The following CNOT2 variants were observed in gnomAD, a reference collection of about 807,000 sequenced individuals.
CNOT2 encodes CCR4-NOT transcription complex subunit 2, also known as CC chemokine receptor 4-negative regulator of transcription 2.
In CNOT2, 7 loss-of-function variants were observed where a neutral mutation model predicts 72.1. The observed-to-expected ratio is 0.10, with a 90% CI of 0.06 to 0.18. The LOEUF (loss-of-function observed/expected upper bound fraction) is 0.18. CNOT2 is among the 10% of genes least tolerant of loss of function. CNOT2 has a pLI of 1.00. For missense variants in CNOT2, 345 were observed against 660.3 expected, an observed-to-expected ratio of 0.52 and a Z score of 5.23; for synonymous variants, 196 against 225.6, an observed-to-expected ratio of 0.87 and a Z score of 1.17.
At position 70,299,386 on chromosome 12, in the gene CNOT2, C is replaced by A. The variant is rs372980524; in HGVS notation, c.49-11509C>A. ...TGTCCCTCCCCCCTCCCCCCACCCC[C>A]CAACAGTCCCCGGTGTGTGATGTTC... On this transcript the variant is annotated intron_variant, in intron 2 of 15. Transcript: ENST00000229195. Among the ~76,000 whole-genome samples the A allele has an allele frequency of 4.1e-3, 579 of 139,632 alleles. 12 individuals are homozygous for A. The highest frequency in any genetic ancestry group is 0.037 in the East Asian group (159 of 4,288). The allele number at this position is 139,632 out of a possible 152,430, so 91.6% of individuals were successfully genotyped here.
At chr12:70,324,078 A>G (rs1181817613) in intron 4 of CNOT2, 2 of 151,822 alleles carry the variant, frequency 1.3e-5, no homozygotes, top group African/African-American at 2.4e-5. Flanking sequence ...CCAGGATTAT[A>G]TTACTTTGTA....
chr12:70,281,007 C>CTT (rs1869722427), intron 2 of CNOT2, among the ~76,000 whole-genome samples: 1 of 150,532 alleles, frequency 6.6e-6, no homozygotes, highest in Admixed American at 6.6e-5. Flanking sequence ...TTTAGACTAA[C>CTT]TTACCCTAGC....
intron 1 of CNOT2, among the ~76,000 whole-genome samples, chr12:70,267,457 G>A (rs921425545): frequency 1.3e-5 from 2 of 152,126 alleles, no homozygotes; most frequent in East Asian, 1.9e-4. Flanking sequence ...TGGATTTAGG[G>A]CCTTCATAAA....
chr12:70,301,346 T>C (rs1393989794), intron 2 of CNOT2, among the ~76,000 whole-genome samples: 1 of 152,232 alleles, frequency 6.6e-6, no homozygotes, highest in Non-Finnish European at 1.5e-5. Flanking sequence ...ACTGTGATAC[T>C]GGCTGTGGGT....
intron 5 of CNOT2, 111 bp from the exon 6 acceptor site, chr12:70,330,176 G>A (rs1200682854): frequency 1.9e-6 from 1 of 533,672 alleles, no homozygotes; most frequent in Non-Finnish European, 3.3e-6. Flanking sequence ...AATTAGAACT[G>A]CAATTTGAAA....
intron 4 of CNOT2, among the ~76,000 whole-genome samples, chr12:70,328,892 G>A (rs1284259195): frequency 6.6e-6 from 1 of 151,704 alleles, no homozygotes; most frequent in Non-Finnish European, 1.5e-5. Flanking sequence ...TTTATGTTGG[G>A]TTTGTAAAAA....
At chr12:70,286,121 C>T (rs1000153966) in intron 2 of CNOT2, among the ~76,000 whole-genome samples, 2 of 116,752 alleles carry the variant, frequency 1.7e-5, no homozygotes, top group African/African-American at 5.7e-5. Flanking sequence ...TTTTCAAACA[C>T]TATGTGAAAA....
At chr12:70,278,985 T>G (rs770539067) in intron 2 of CNOT2, among the ~76,000 whole-genome samples, 1 of 152,238 alleles carries the variant, frequency 6.6e-6, no homozygotes, top group Non-Finnish European at 1.5e-5. Context: ...ATATCCTTTA[T>G]TCATTTGATA....
At chr12:70,267,025 C>CT (rs1421956438) in intron 1 of CNOT2, among the ~76,000 whole-genome samples, 2 of 151,936 alleles carry the variant, frequency 1.3e-5, no homozygotes, top group East Asian at 3.9e-4. Context: ...TATCTGACTA[C>CT]TTTTAATATT....
chr12:70,344,504 C>G (rs1881916365), intron 14 of CNOT2: 1 of 303,222 alleles, frequency 3.3e-6, no homozygotes, highest in Admixed American at 4.8e-5. Context: ...GGACAGATCA[C>G]TTGAGGCCAG....
chr12:70,246,499 T>G (rs1485457858), intron 1 of CNOT2, among the ~76,000 whole-genome samples: 2 of 152,178 alleles, frequency 1.3e-5, no homozygotes, highest in Non-Finnish European at 1.5e-5. Flanking sequence ...TGGAATTACA[T>G]ACAGTGTTAA....
At chr12:70,245,512 T>C (rs1957839140) in intron 1 of CNOT2, among the ~76,000 whole-genome samples, 3 of 152,190 alleles carry the variant, frequency 2.0e-5, no homozygotes, top group Admixed American at 1.3e-4. Context: ...AAGTATACAA[T>C]GTAGAGATAT....
chr12:70,247,257 C>T (rs988124281), intron 1 of CNOT2, among the ~76,000 whole-genome samples: 3 of 151,934 alleles, frequency 2.0e-5, no homozygotes, highest in Non-Finnish European at 4.4e-5. Flanking sequence ...CTCCGCCTCC[C>T]GGGTTCAAGC....
chr12:70,335,252 T>G (rs1880518897), intron 7 of CNOT2, 186 bp from the exon 8 acceptor site: 1 of 472,514 alleles, frequency 2.1e-6, no homozygotes, highest in South Asian at 3.3e-5. Flanking sequence ...GCTAAATTGT[T>G]CATGGAATTC....
Position 70,347,110 on chromosome 12 carries a change from T to G in CNOT2, c.1536+786T>G, listed in dbSNP as rs972327141. Among the ~76,000 whole-genome samples the G allele has an allele frequency of 9.2e-5, 14 of 151,786 alleles. No homozygotes were observed. In the East Asian group the frequency reaches 9.7e-4, roughly 11 times the overall value. On this transcript the variant is annotated intron_variant, in intron 15 of 15. Coordinates refer to ENST00000229195, the MANE Select transcript of CNOT2 (RefSeq NM_014515.7). The stretch of plus-strand genomic sequence containing the variant: ...TTTCCATCAATGATTCTGAGGTTTA[T>G]AATTAAAGAGTTAAATTTGTTTGTT...
intron 1 of CNOT2, among the ~76,000 whole-genome samples, chr12:70,256,423 A>G (rs1376889853): frequency 6.6e-6 from 1 of 152,088 alleles, no homozygotes; most frequent in African/African-American, 2.4e-5. Context: ...TTTGTAATAG[A>G]AAGTTTCTCT....
rs534214416 is a variant in CNOT2 at position 70,312,970 on chromosome 12, T to G, written c.171+1953T>G. Among the ~76,000 whole-genome samples the G allele has an allele frequency of 7.2e-5, 11 of 152,106 alleles. No individual in the cohort carries two copies. In the East Asian group the frequency reaches 2.1e-3, roughly 29 times the overall value. On this transcript the variant is annotated intron_variant, in intron 3 of 15. Coordinates refer to ENST00000229195, the MANE Select transcript of CNOT2 (RefSeq NM_014515.7). Reference sequence around the variant, plus strand: ...AATATTTTTATTGAAAAATACACAATTATTTAAATCTTCTAGGTCATACAG... The same window carrying G: ...AATATTTTTATTGAAAAATACACAAGTATTTAAATCTTCTAGGTCATACAG...
At chr12:70,302,939 C>T (rs1874369472) in intron 2 of CNOT2, among the ~76,000 whole-genome samples, 1 of 152,184 alleles carries the variant, frequency 6.6e-6, no homozygotes, top group African/African-American at 2.4e-5. Context: ...GTTAGTTCTT[C>T]TTGTTGAATT....
chr12:70,315,010 T>A (rs945321627), intron 3 of CNOT2, among the ~76,000 whole-genome samples: 1 of 151,948 alleles, frequency 6.6e-6, no homozygotes, highest in African/African-American at 2.4e-5. Flanking sequence ...ATTACAGGCA[T>A]GCATCACCAC....
Sources: gnomAD v4.1 joint callset for allele counts (sites outside exome capture counted in the v4.1 genomes callset) on GRCh38, gnomAD v4.1.1 for gene constraint, MANE v1.5 for transcripts, NCBI Gene and HGNC (gene_info 2026-07-23, HGNC 2026-07-21) for gene names.